The following TCF4 variants were observed in gnomAD, a reference collection of about 807,000 sequenced individuals.
TCF4 encodes the protein SL3-3 enhancer factor 2.
TCF4 carries 3 observed loss-of-function variants against 82.1 expected under a neutral mutation model. That is an observed-to-expected ratio of 0.04 (90% CI 0.02 to 0.09). The LOEUF is 0.09. Ranked by LOEUF, TCF4 falls within the 10% of genes least tolerant of loss-of-function variation. TCF4 has a pLI of 1.00. For synonymous variants in TCF4, 276 were observed against 309.6 expected, an observed-to-expected ratio of 0.89 and a Z score of 1.14; for missense variants, 518 against 852.7, an observed-to-expected ratio of 0.61 and a Z score of 4.89.
At chr18:55,517,017 G>C (rs2096888941) in intron 3 of TCF4, among the ~76,000 whole-genome samples, 1 of 152,160 alleles carries the variant, frequency 6.6e-6, no homozygotes, top group African/African-American at 2.4e-5. Context: ...TATTACCAGA[G>C]TGCTACAAAG....
intron 5 of TCF4, among the ~76,000 whole-genome samples, chr18:55,415,683 G>A (rs1381540732): frequency 2.0e-5 from 3 of 152,128 alleles, no homozygotes; most frequent in South Asian, 2.1e-4. Flanking sequence ...TTAGCTGCTC[G>A]ATGGAAAGTT....
At chr18:55,237,576 T>A (rs2049900742) in intron 15 of TCF4, among the ~76,000 whole-genome samples, 1 of 150,618 alleles carries the variant, frequency 6.6e-6, no homozygotes, top group African/African-American at 2.5e-5. Flanking sequence ...TTCAAGCAAT[T>A]CTCCTGTTTC....
At chr18:55,610,674 A>G (rs145034628) in intron 2 of TCF4, among the ~76,000 whole-genome samples, 18 of 152,338 alleles carry the variant, frequency 1.2e-4, no homozygotes, top group African/African-American at 2.4e-4. Flanking sequence ...GAAGATATCC[A>G]TCAAGATGGA....
intron 8 of TCF4, chr18:55,302,341 C>A: frequency 7.5e-7 from 1 of 1,334,850 alleles, no homozygotes; most frequent in Non-Finnish European, 1.0e-6. Context: ...CAAGTCAAAG[C>A]AGCACAGTGC....
chr18:55,375,346 T>C (rs1307645917), intron 6 of TCF4, among the ~76,000 whole-genome samples: 2 of 152,160 alleles, frequency 1.3e-5, no homozygotes, highest in African/African-American at 2.4e-5. Context: ...TATATACATA[T>C]ATCTCTTTAG....
chr18:55,239,968 T>C lies in TCF4; in HGVS notation c.1351-5285A>G, dbSNP rs192022638. Reference sequence around the variant, plus strand: ...ATTTCATTTGGCAGTTATTCAATCCTAGTTAATGTTATCTCCAGAGATAAC... The same window carrying C: ...ATTTCATTTGGCAGTTATTCAATCCCAGTTAATGTTATCTCCAGAGATAAC... On this transcript the variant is annotated intron_variant, in intron 15 of 19. Coordinates refer to ENST00000354452, the MANE Select transcript of TCF4 (RefSeq NM_001083962.2). Among the ~76,000 whole-genome samples the C allele has an allele frequency of 9.6e-4, 147 of 152,336 alleles. 1 individual carries two copies. The highest frequency in any genetic ancestry group is 9.5e-3 in the Admixed American group (145 of 15,302).
At chr18:55,279,764 C>A in intron 8 of TCF4, 108 bp from the exon 9 acceptor site, 1 of 1,525,294 alleles carries the variant, frequency 6.6e-7, no homozygotes, top group East Asian at 2.3e-5. Flanking sequence ...CTACCCTTTC[C>A]AGTTTAAATC....
At chr18:55,386,489 A>G (rs1234038258) in intron 6 of TCF4, among the ~76,000 whole-genome samples, 1 of 152,228 alleles carries the variant, frequency 6.6e-6, no homozygotes, top group Non-Finnish European at 1.5e-5. Flanking sequence ...GTCAAATGCC[A>G]ACTTGCAATC....
chr18:55,571,507 G>A (rs1025250061), intron 3 of TCF4, among the ~76,000 whole-genome samples: 1 of 152,134 alleles, frequency 6.6e-6, no homozygotes, highest in African/African-American at 2.4e-5. Flanking sequence ...TTGGTGGTGG[G>A]TTCATAGATG....
intron 5 of TCF4, among the ~76,000 whole-genome samples, chr18:55,429,044 A>T (rs1569462791): frequency 6.6e-6 from 1 of 152,254 alleles, no homozygotes; most frequent in Non-Finnish European, 1.5e-5. Flanking sequence ...CATATTAAAT[A>T]TATTTTGTCA....
At chr18:55,547,223 A>G (rs1327292553) in intron 3 of TCF4, among the ~76,000 whole-genome samples, 1 of 152,204 alleles carries the variant, frequency 6.6e-6, no homozygotes, top group Non-Finnish European at 1.5e-5. Flanking sequence ...ATTCCTATTC[A>G]ATGTTATCAC....
chr18:55,593,126 T>A (rs183158209), upstream of TCF4, among the ~76,000 whole-genome samples: 417 of 152,318 alleles, frequency 2.7e-3, no homozygotes, highest in Middle Eastern at 6.8e-3. Flanking sequence ...ACTAAAAAAA[T>A]TTGCTTCACT....
At chr18:55,347,675 C>T (rs1302937164) in intron 8 of TCF4, among the ~76,000 whole-genome samples, 1 of 152,160 alleles carries the variant, frequency 6.6e-6, no homozygotes, top group African/African-American at 2.4e-5. Flanking sequence ...GGCAGAAGTC[C>T]AGTCTCTGTA....
chr18:55,374,597 T>C (rs2090232929), intron 6 of TCF4, among the ~76,000 whole-genome samples: 1 of 151,776 alleles, frequency 6.6e-6, no homozygotes, highest in East Asian at 1.9e-4. Context: ...TAGTAAAAAA[T>C]CCAGTTCTGA....
At chr18:55,366,132 C>T (rs956570282) in intron 6 of TCF4, among the ~76,000 whole-genome samples, 3 of 152,012 alleles carry the variant, frequency 2.0e-5, no homozygotes, top group African/African-American at 7.2e-5. Context: ...GGTTTAAAAA[C>T]CATGAAAAGT....
intron 5 of TCF4, among the ~76,000 whole-genome samples, chr18:55,429,578 G>A (rs1445522810): frequency 1.3e-5 from 2 of 151,966 alleles, no homozygotes; most frequent in Non-Finnish European, 2.9e-5. Flanking sequence ...TGGCTAACAC[G>A]GTGAAACCCC....
chr18:55,466,432 G>T (rs2144996045), intron 3 of TCF4, among the ~76,000 whole-genome samples: 1 of 152,178 alleles, frequency 6.6e-6, no homozygotes, highest in African/African-American at 2.4e-5. Flanking sequence ...AGGAGTTCAA[G>T]GTTACAGTGA....
At chr18:55,608,544 T>C (rs944616429) in intron 2 of TCF4, among the ~76,000 whole-genome samples, 3 of 152,120 alleles carry the variant, frequency 2.0e-5, no homozygotes, top group Non-Finnish European at 2.9e-5. Flanking sequence ...ATGAGCACAT[T>C]TATTTTTGGT....
chr18:55,250,609 A>G (rs1327524276), intron 15 of TCF4, among the ~76,000 whole-genome samples: 1 of 152,192 alleles, frequency 6.6e-6, no homozygotes, highest in Non-Finnish European at 1.5e-5. Flanking sequence ...GACCACTATT[A>G]TCATCCTCAC....
Sources: allele counts gnomAD v4.1 joint callset (sites outside exome capture counted in the v4.1 genomes callset), GRCh38; gene constraint gnomAD v4.1.1; transcripts MANE v1.5; gene names NCBI Gene and HGNC (gene_info 2026-07-23, HGNC 2026-07-21).